LCMT1: variants seen among roughly 807,000 people sequenced by gnomAD.
The protein encoded by LCMT1 is leucine carboxyl methyltransferase 1, also known as [Phosphatase 2A protein]-leucine-carboxy methyltransferase 1.
LCMT1 carries 32 observed loss-of-function variants against 47.7 expected under a neutral mutation model. That is an observed-to-expected ratio of 0.67 (90% CI 0.51 to 0.90). LCMT1 has a LOEUF of 0.90. Among genes scored for constraint, LCMT1 ranks in the 40% least tolerant of loss-of-function variants. The pLI is 0.00. For synonymous variants in LCMT1, 152 were observed against 149.7 expected (o/e 1.02, Z -0.11); for missense variants, 375 against 415.2 (o/e 0.90, Z 0.84).
At chr16:25,171,444 A>G (rs111321610) in intron 9 of LCMT1, among the ~76,000 whole-genome samples, 1 of 152,068 alleles carries the variant, frequency 6.6e-6, no homozygotes, top group Admixed American at 6.6e-5. Context: ...ACAAAAAAAA[A>G]CCCCAAAAAA....
rs1961550380 is a variant in LCMT1 at position 25,165,142 on chromosome 16, G to A, written c.690+424G>A. On this transcript the variant is annotated intron_variant, in intron 7 of 10. Coordinates refer to ENST00000399069, the MANE Select transcript of LCMT1 (RefSeq NM_016309.3). ...CGGAGCACCCACGTCCCATCTCACA[G>A]GAGTGGCCACTGCCCATTTACAGCC... Among the ~76,000 whole-genome samples the A allele has an allele frequency of 2.6e-5, 4 of 152,122 alleles. No homozygotes were observed. The South Asian group carries it at 8.3e-4, about 32-fold the overall frequency.
Position 25,174,973 on chromosome 16 carries a change from G to T in LCMT1, c.921G>T (p.Leu307=), listed in dbSNP as rs1205791848. The T allele has an allele frequency of 6.2e-7, 1 of 1,609,816 alleles. No homozygotes were observed. Among genetic ancestry groups the T allele is most frequent in the Non-Finnish European group, 8.5e-7 (1 of 1,176,924 alleles). Residue 307 remains leucine (L), a synonymous_variant, in exon 10 of 11, where the codon CTG becomes CTT. Coordinates refer to ENST00000399069, the MANE Select transcript of LCMT1 (RefSeq NM_016309.3). ...TTGAATTCCTGGATGAAATGGAGCT[G>T]CTGGAGCAGCTCATGCGGCATTACT... is the stretch of plus-strand genomic sequence containing the variant. ...ESLEFLDEME[L]LEQLMRHYCL...
At chr16:25,122,870 CA>C (rs755318166) in intron 1 of LCMT1, among the ~76,000 whole-genome samples, 37 of 150,866 alleles carry the variant, frequency 2.5e-4, no homozygotes, top group Middle Eastern at 3.4e-3. Context: ...AGGCTGGTCT[CA>C]AACTCCTGGG....
chr16:25,154,150 C>T (rs1352466004), intron 5 of LCMT1, among the ~76,000 whole-genome samples: 1 of 151,748 alleles, frequency 6.6e-6, no homozygotes, highest in African/African-American at 2.4e-5. Flanking sequence ...GCTGGAATTA[C>T]AGGCACGCGC....
intron 3 of LCMT1, chr16:25,139,911 C>T (rs1231823146): frequency 1.7e-5 from 7 of 420,702 alleles, no homozygotes; most frequent in African/African-American, 9.9e-5. Context: ...CCAGCTGCCA[C>T]CTGCTAGCTC....
chr16:25,133,608 A>G (rs1960418797), intron 3 of LCMT1, among the ~76,000 whole-genome samples: 1 of 148,652 alleles, frequency 6.7e-6, no homozygotes, highest in African/African-American at 2.5e-5. Context: ...CGTGTTGGCC[A>G]GGCTGCTCAC....
At position 25,164,582 on chromosome 16, in the gene LCMT1, T is replaced by C; in HGVS notation, c.570-16T>C. ...ATGATAACAAATTTATGTGCCTTTT[T>C]TTCCTTATCTTTAAGATTGCCAACA... is the stretch of plus-strand genomic sequence containing the variant. On this transcript the variant is annotated splice_polypyrimidine_tract_variant and intron_variant, in intron 6 of 10. Transcript: ENST00000399069. 1 of 1,613,904 alleles carries C rather than the reference T, an allele frequency of 6.2e-7. No homozygotes were observed.
At chr16:25,117,769 T>C (rs1959843491) in intron 1 of LCMT1, among the ~76,000 whole-genome samples, 3 of 151,948 alleles carry the variant, frequency 2.0e-5, no homozygotes, top group Admixed American at 2.0e-4. Flanking sequence ...GGAGAATCGC[T>C]TGAACTGGGG....
intron 5 of LCMT1, chr16:25,158,683 G>A (rs981229402): frequency 2.0e-5 from 3 of 152,158 alleles, no homozygotes; most frequent in East Asian, 1.9e-4. Context: ...AAACTCCTTC[G>A]AAACTTGCTC....
intron 7 of LCMT1, among the ~76,000 whole-genome samples, chr16:25,166,493 C>G: frequency 6.6e-6 from 1 of 152,176 alleles, no homozygotes; most frequent in Middle Eastern, 3.4e-3. Context: ...GCCTCGACCG[C>G]GGGCTCAGAT....
At chr16:25,177,877 G>A (rs1011851108) in intron 10 of LCMT1, 124 bp from the exon 11 acceptor site, 15 of 775,998 alleles carry the variant, frequency 1.9e-5, no homozygotes, top group Non-Finnish European at 3.4e-5. Context: ...TGTAGCAGGA[G>A]GGCGGTGCTA....
intron 5 of LCMT1, among the ~76,000 whole-genome samples, chr16:25,158,472 A>C (rs191499427): frequency 6.6e-6 from 1 of 152,334 alleles, no homozygotes; most frequent in East Asian, 1.9e-4. Context: ...GTATCACACA[A>C]AATGATTTCA....
rs1010214813 is a variant in LCMT1 at position 25,111,776 on chromosome 16, C to T, written c.-108C>T. ...CCGCGCCAGCTGAGCCAGGTAGGGCCCTACCCTCTTCTGTTGCTTTCTCCC... is the reference window on the plus strand; with the variant it reads ...CCGCGCCAGCTGAGCCAGGTAGGGCTCTACCCTCTTCTGTTGCTTTCTCCC... On this transcript the variant is annotated 5_prime_UTR_variant, in exon 1 of 11. Transcript: ENST00000399069. 9.3e-6 allele frequency: 7 copies of T among 756,558 alleles called. No individual in the cohort carries two copies. The highest frequency in any genetic ancestry group is 1.6e-5 in the Non-Finnish European group (7 of 435,160). The allele number at this position is 756,558 out of a possible 1,614,324, so 46.9% of individuals were successfully genotyped here.
intron 7 of LCMT1, 108 bp from the exon 8 acceptor site, chr16:25,169,004 C>G: frequency 2.6e-6 from 2 of 764,830 alleles, no homozygotes; most frequent in South Asian, 1.5e-5. Context: ...GCTGGGTGTG[C>G]GTCATCAAGC....
In LCMT1 at chr16:25,140,154, T is replaced by A. The variant is rs1251342269; in HGVS notation, c.328-17T>A. On this transcript the variant is annotated splice_polypyrimidine_tract_variant and intron_variant, in intron 3 of 10. Coordinates refer to ENST00000399069, the MANE Select transcript of LCMT1 (RefSeq NM_016309.3). ...GTAAGAGTAAAGAAATAAAAAGTATTGTGTGTTTTTCCCCAGGATGAAGAT... is the reference window on the plus strand; with the variant it reads ...GTAAGAGTAAAGAAATAAAAAGTATAGTGTGTTTTTCCCCAGGATGAAGAT... The A allele has an allele frequency of 6.3e-7, 1 of 1,576,946 alleles. No individual in the cohort carries two copies. Among genetic ancestry groups the A allele is most frequent in the Admixed American group, 1.7e-5 (1 of 58,210 alleles).
At chr16:25,170,006 G>C (rs1961706595) in intron 8 of LCMT1, among the ~76,000 whole-genome samples, 1 of 152,044 alleles carries the variant, frequency 6.6e-6, no homozygotes, top group Non-Finnish European at 1.5e-5. Flanking sequence ...GATCACCTGA[G>C]TTCAGGAGTT....
intron 10 of LCMT1, 99 bp from the exon 11 acceptor site, chr16:25,177,902 G>A (rs1161096843): frequency 7.1e-6 from 7 of 988,014 alleles, no homozygotes; most frequent in Non-Finnish European, 9.8e-6. Flanking sequence ...GGTCAGCAGT[G>A]TGGCTGGTGC....
intron 1 of LCMT1, among the ~76,000 whole-genome samples, chr16:25,112,518 A>T (rs1959654753): frequency 6.6e-6 from 1 of 152,158 alleles, no homozygotes; most frequent in Non-Finnish European, 1.5e-5. Context: ...GGTGGTGGGG[A>T]TGGGGGCGTA....
intron 3 of LCMT1, among the ~76,000 whole-genome samples, chr16:25,132,813 ACCAGTAGAATTG>A (rs1960391611): frequency 6.6e-6 from 1 of 151,174 alleles, no homozygotes; most frequent in African/African-American, 2.4e-5. Context: ...GAGAAATTCT[ACCAGTAGAATTG>A]CTGGAATGGA....
Sources: allele counts gnomAD v4.1 joint callset (sites outside exome capture counted in the v4.1 genomes callset), GRCh38; gene constraint gnomAD v4.1.1; transcripts MANE v1.5; gene names NCBI Gene and HGNC (gene_info 2026-07-23, HGNC 2026-07-21).